GNE: variants seen among roughly 807,000 people sequenced by gnomAD.
The protein encoded by GNE is bifunctional UDP-N-acetylglucosamine 2-epimerase/N-acetylmannosamine kinase.
Under a neutral mutation model 61.8 loss-of-function variants are expected in GNE, and 41 were observed. The observed-to-expected ratio is 0.66, with a 90% CI of 0.52 to 0.86. GNE has a LOEUF of 0.86. GNE is among the 40% of genes least tolerant of loss of function. The pLI, the probability that GNE is intolerant of heterozygous loss-of-function variation, is 0.00. For missense variants in GNE, 608 were observed against 909.1 expected, an observed-to-expected ratio of 0.67 and a Z score of 4.26; for synonymous variants, 264 against 326.4, an observed-to-expected ratio of 0.81 and a Z score of 2.06.
chr9:36,261,536 G>C (rs1830617108), upstream of GNE, among the ~76,000 whole-genome samples: 1 of 144,008 alleles, frequency 6.9e-6, no homozygotes, highest in African/African-American at 2.6e-5. Flanking sequence ...CTGGGCGACA[G>C]AGTGAGACTC....
At chr9:36,269,996 C>T (rs187156240) in intron 1 of GNE, among the ~76,000 whole-genome samples, 1 of 151,968 alleles carries the variant, frequency 6.6e-6, no homozygotes, top group South Asian at 2.1e-4. Context: ...GGGTCTTGCT[C>T]TCTAGCCCAG....
upstream of GNE, among the ~76,000 whole-genome samples, chr9:36,260,208 G>C (rs1201718343): frequency 1.3e-5 from 2 of 151,084 alleles, no homozygotes; most frequent in East Asian, 3.9e-4. Context: ...TTGTGCTCAG[G>C]AGTTCCAGGC....
intron 1 of GNE, among the ~76,000 whole-genome samples, chr9:36,275,622 A>G (rs1831233122): frequency 6.6e-6 from 1 of 152,212 alleles, no homozygotes; most frequent in Non-Finnish European, 1.5e-5. Context: ...TGGAGAGATG[A>G]GTAGAACAAC....
At chr9:36,242,046 G>A (rs144864932) in intron 3 of GNE, among the ~76,000 whole-genome samples, 2,595 of 152,132 alleles carry the variant, frequency 0.017, 42 homozygotes, top group Non-Finnish European at 0.024. Flanking sequence ...TGAGGCAGGA[G>A]TATTGCTTAA....
Position 36,216,245 on chromosome 9 carries a change from T to G in GNE, c.*1120A>C, listed in dbSNP as rs1306584970. The G allele has an allele frequency of 8.8e-6, 4 of 455,392 alleles. No individual in the cohort carries two copies. Among genetic ancestry groups the G allele is most frequent in the African/African-American group, 2.0e-5 (1 of 49,990 alleles). The allele number at this position is 455,392 out of a possible 1,614,324, so 28.2% of individuals were successfully genotyped here. On this transcript the variant is annotated 3_prime_UTR_variant, in exon 12 of 12. Transcript: ENST00000642385. ...AAGCTGTTTTAAAAAAAAGTGTACT[T>G]AAGCCCTTCCTGGTAAGATTTCCCT...
At chr9:36,248,481 AT>A (rs113051412) in intron 2 of GNE, among the ~76,000 whole-genome samples, 4,101 of 143,702 alleles carry the variant, frequency 0.029, 163 homozygotes, top group African/African-American at 0.094. Flanking sequence ...CAACTGGCTA[AT>A]TTTTTTTTTT....
At chr9:36,242,678 A>G (rs1055019466) in intron 3 of GNE, among the ~76,000 whole-genome samples, 4 of 149,658 alleles carry the variant, frequency 2.7e-5, no homozygotes, top group African/African-American at 9.9e-5. Context: ...GTGGCCTCCC[A>G]AAGTGCTGGG....
intron 1 of GNE, among the ~76,000 whole-genome samples, chr9:36,263,722 A>T (rs538377311): frequency 3.9e-5 from 6 of 152,248 alleles, no homozygotes; most frequent in Non-Finnish European, 8.8e-5. Context: ...TAAATACCTA[A>T]GCAGCACAGT....
At position 36,249,231 on chromosome 9, in the gene GNE, T is replaced by G. The variant is rs1587347675; in HGVS notation, c.125A>C (p.Asp42Ala). ...IKTEPEFFEL[D>A]VVVLGSHLID... Reference sequence around the variant, plus strand: ...CAGGTGAGAGCCAAGTACCACAACATCAAGTTCAAAGAACTCAGGTTCGGT... The same window carrying G: ...CAGGTGAGAGCCAAGTACCACAACAGCAAGTTCAAAGAACTCAGGTTCGGT... The change falls in exon 2 of 12, where the codon GAT (aspartate) becomes GCT (alanine). Residue 42 changes from aspartate to alanine, a missense_variant. Coordinates refer to ENST00000642385, the MANE Select transcript of GNE (RefSeq NM_005476.7). The G allele has an allele frequency of 6.2e-7, 1 of 1,614,136 alleles. No individual in the cohort carries two copies. Among genetic ancestry groups the G allele is most frequent in the Non-Finnish European group, 8.5e-7 (1 of 1,179,998 alleles).
chr9:36,258,177 G>C (rs1011707844), intron 1 of GNE, 144 bp downstream of exon 1: 3 of 280,172 alleles, frequency 1.1e-5, no homozygotes, highest in Non-Finnish European at 1.1e-5. Flanking sequence ...CATTGGGCGA[G>C]AGCCGGGTCC....
chr9:36,240,426 T>C (rs1829588649), intron 3 of GNE, among the ~76,000 whole-genome samples: 1 of 152,236 alleles, frequency 6.6e-6, no homozygotes, highest in African/African-American at 2.4e-5. Flanking sequence ...GATCATGTGA[T>C]TTTTAATTCT....
At chr9:36,260,936 A>G (rs1222734811), upstream of GNE, among the ~76,000 whole-genome samples, 12 of 151,262 alleles carry the variant, frequency 7.9e-5, no homozygotes, top group Admixed American at 7.9e-4. Flanking sequence ...TTGGACGTTA[A>G]GGATCCAAAA....
chr9:36,221,699 G>T (rs1272693111), intron 9 of GNE, among the ~76,000 whole-genome samples: 1 of 152,036 alleles, frequency 6.6e-6, no homozygotes, highest in Non-Finnish European at 1.5e-5. Context: ...CAAAAACCAG[G>T]GCCAGGTGCA....
chr9:36,252,870 G>T (rs558342979), intron 1 of GNE, among the ~76,000 whole-genome samples: 1 of 152,130 alleles, frequency 6.6e-6, no homozygotes, highest in African/African-American at 2.4e-5. Context: ...GATAAACTAT[G>T]ATAATATAAA....
At chr9:36,239,477 T>C (rs1587324921) in intron 3 of GNE, among the ~76,000 whole-genome samples, 1 of 149,272 alleles carries the variant, frequency 6.7e-6, no homozygotes. Flanking sequence ...TTTTCTCTCT[T>C]TTTTTTTTCT....
chr9:36,268,120 CAG>C (rs1830876542), intron 1 of GNE, among the ~76,000 whole-genome samples: 2 of 151,860 alleles, frequency 1.3e-5, no homozygotes, highest in South Asian at 4.2e-4. Context: ...GCCTGGGCAA[CAG>C]AGTGAGACCC....
At chr9:36,268,311 A>C (rs1206448588) in intron 1 of GNE, among the ~76,000 whole-genome samples, 3 of 152,152 alleles carry the variant, frequency 2.0e-5, no homozygotes, top group Non-Finnish European at 4.4e-5. Flanking sequence ...GTTTGCCTTT[A>C]ACTTTGACTC....
Position 36,257,802 on chromosome 9 carries a change from C to CAAAAAAAAAAA in GNE, c.-43+508_-43+518dup, listed in dbSNP as rs60845805. Among the ~76,000 whole-genome samples the CAAAAAAAAAAA allele has an allele frequency of 1.5e-3, 38 of 25,244 alleles. 3 individuals are homozygous for CAAAAAAAAAAA. Among genetic ancestry groups the CAAAAAAAAAAA allele is most frequent in the African/African-American group, 4.3e-3 (34 of 7,818 alleles). 16.6% of individuals were successfully genotyped at this position (25,244 alleles called of 152,430 possible). Reference sequence around the variant, plus strand: ...TGGGCGACAGAGCGAGACTCAGTCTCAAAAAAAAAAAAAAAAAAAAAAAAA... The same window carrying CAAAAAAAAAAA: ...TGGGCGACAGAGCGAGACTCAGTCTCAAAAAAAAAAAAAAAAAAAAAAAAAAAAAAAAAAAA... On this transcript the variant is annotated intron_variant, in intron 1 of 11. Transcript: ENST00000642385.
At chr9:36,219,273 C>T (rs1234397426) in intron 10 of GNE, among the ~76,000 whole-genome samples, 1 of 152,098 alleles carries the variant, frequency 6.6e-6, no homozygotes, top group Admixed American at 6.5e-5. Context: ...CATCTCGGCT[C>T]GCCATGCCCT....
Sources: gnomAD v4.1 joint callset for allele counts (sites outside exome capture counted in the v4.1 genomes callset) on GRCh38, gnomAD v4.1.1 for gene constraint, MANE v1.5 for transcripts, NCBI Gene and HGNC (gene_info 2026-07-23, HGNC 2026-07-21) for gene names.